JAK1: variants seen among roughly 807,000 people sequenced by gnomAD.
The protein encoded by JAK1 is tyrosine-protein kinase JAK1.
A neutral mutation model predicts 136.6 loss-of-function variants in JAK1; 16 were observed. That is an observed-to-expected ratio of 0.12 (90% CI 0.08 to 0.18). The LOEUF is 0.18. Ranked by LOEUF, JAK1 falls within the 10% of genes least tolerant of loss-of-function variation. The pLI, the probability that JAK1 is intolerant of heterozygous loss-of-function variation, is 1.00. For synonymous variants in JAK1, 492 were observed against 519.5 expected (o/e 0.95, Z 0.72); for missense variants, 859 against 1,450.1 (o/e 0.59, Z 6.62).
At position 64,933,622 on chromosome 1, in the gene JAK1, T is replaced by A. The variant is rs558751998; in HGVS notation, c.-78+32711A>T. 1.5e-3 allele frequency among the ~76,000 whole-genome samples: 223 copies of A among 152,274 alleles called. 1 individual carries two copies. The highest frequency in any genetic ancestry group is 5.0e-3 in the African/African-American group (208 of 41,548). On this transcript the variant is annotated intron_variant, in intron 1 of 24. Coordinates refer to ENST00000342505, the MANE Select transcript of JAK1 (RefSeq NM_002227.4). Reference sequence around the variant, plus strand: ...CAACAGAAGTTATTCAAATGACACATCGTATGCCCTTCTCATGCTGTACTA... The same window carrying A: ...CAACAGAAGTTATTCAAATGACACAACGTATGCCCTTCTCATGCTGTACTA...
intron 1 of JAK1, among the ~76,000 whole-genome samples, chr1:65,051,837 GCTTA>G (rs1186158584): frequency 1.3e-5 from 2 of 152,222 alleles, no homozygotes; most frequent in African/African-American, 2.4e-5. Context: ...CGTATAATCA[GCTTA>G]CTTTACTCCA....
intron 2 of JAK1, among the ~76,000 whole-genome samples, chr1:65,012,444 T>C (rs1274749377): frequency 6.6e-6 from 1 of 152,122 alleles, no homozygotes; most frequent in Non-Finnish European, 1.5e-5. Flanking sequence ...AGATTGAAGA[T>C]AGAGTATCAA....
At chr1:65,050,645 C>T (rs1647258719) in intron 1 of JAK1, among the ~76,000 whole-genome samples, 1 of 152,138 alleles carries the variant, frequency 6.6e-6, no homozygotes, top group Non-Finnish European at 1.5e-5. Flanking sequence ...ATCAAACTTT[C>T]ATTTTACAGA....
At position 64,857,605 on chromosome 1, in the gene JAK1, C is replaced by A. The variant is rs746940902; in HGVS notation, c.1458+51G>T. On this transcript the variant is annotated intron_variant, in intron 10 of 24. Transcript: ENST00000342505. ...GCAGCAGCTCCTGAACCAGGCTACA[C>A]TGGACACCTCATGGCTGTATGGCCT... 1.1e-5 allele frequency: 18 copies of A among 1,609,418 alleles called. No homozygotes were observed. The South Asian group carries it at 1.8e-4, about 16-fold the overall frequency.
intron 1 of JAK1, among the ~76,000 whole-genome samples, chr1:64,950,114 A>C (rs1292556812): frequency 1.3e-5 from 2 of 152,158 alleles, no homozygotes; most frequent in Admixed American, 1.3e-4. Context: ...TAGGAGTAAA[A>C]AATGTCAACA....
At chr1:64,936,946 T>A (rs1204322017) in intron 1 of JAK1, among the ~76,000 whole-genome samples, 1 of 151,016 alleles carries the variant, frequency 6.6e-6, no homozygotes, top group Non-Finnish European at 1.5e-5. Flanking sequence ...ATCAAATATA[T>A]GTGAAAAAGA....
intron 2 of JAK1, among the ~76,000 whole-genome samples, chr1:64,999,792 G>A (rs1415927877): frequency 4.0e-5 from 6 of 151,592 alleles, no homozygotes; most frequent in Non-Finnish European, 5.9e-5. Flanking sequence ...AAACTGGGTG[G>A]GCACCTGGCT....
chr1:65,012,987 T>C (rs1000926830), intron 2 of JAK1, among the ~76,000 whole-genome samples: 2 of 151,070 alleles, frequency 1.3e-5, no homozygotes, highest in Admixed American at 1.3e-4. Context: ...TCCTAGCTAC[T>C]CTGGAGGTTG....
chr1:64,974,044 T>C (rs893918770), intron 2 of JAK1: 1 of 152,246 alleles, frequency 6.6e-6, no homozygotes, highest in Non-Finnish European at 1.5e-5. Flanking sequence ...ATGTCCACAT[T>C]ATGTTTTTAG....
chr1:65,066,137 G>A (rs1421596669), intron 1 of JAK1, among the ~76,000 whole-genome samples: 1 of 152,162 alleles, frequency 6.6e-6, no homozygotes, highest in Non-Finnish European at 1.5e-5. Flanking sequence ...TTCAAAGCAG[G>A]GATAAGCACA....
At chr1:64,869,246 G>C in intron 6 of JAK1, 65 bp downstream of exon 6, 1 of 1,478,672 alleles carries the variant, frequency 6.8e-7, no homozygotes, top group Non-Finnish European at 9.4e-7. Flanking sequence ...AAGCTGAAAT[G>C]TGTAAGAACA....
chr1:65,001,777 G>A (rs900498105), intron 2 of JAK1, among the ~76,000 whole-genome samples: 2 of 151,770 alleles, frequency 1.3e-5, no homozygotes, highest in African/African-American at 4.8e-5. Context: ...TGTGTGGTAT[G>A]TGTGTTTGAG....
At chr1:64,962,887 G>A (rs1646307786) in intron 1 of JAK1, among the ~76,000 whole-genome samples, 2 of 152,192 alleles carry the variant, frequency 1.3e-5, no homozygotes, top group East Asian at 3.9e-4. Flanking sequence ...GGCCAACATG[G>A]TGAAATCCCA....
At chr1:64,967,117 T>C (rs1051842559), upstream of JAK1, among the ~76,000 whole-genome samples, 4 of 151,770 alleles carry the variant, frequency 2.6e-5, no homozygotes, top group African/African-American at 9.7e-5. Context: ...TGATACCTAA[T>C]GCATGTACAG....
intron 12 of JAK1, among the ~76,000 whole-genome samples, chr1:64,849,236 C>T (rs993282043): frequency 6.6e-6 from 1 of 152,104 alleles, no homozygotes; most frequent in Non-Finnish European, 1.5e-5. Flanking sequence ...TAACACCTGG[C>T]GGGAGTGCAG....
At chr1:64,976,051 A>C (rs964313175) in intron 2 of JAK1, among the ~76,000 whole-genome samples, 3 of 152,226 alleles carry the variant, frequency 2.0e-5, no homozygotes, top group Non-Finnish European at 2.9e-5. Context: ...CTGGAAGGAC[A>C]GTTCCCATTG....
At chr1:64,970,580 A>C (rs1485041575), upstream of JAK1, among the ~76,000 whole-genome samples, 1 of 151,882 alleles carries the variant, frequency 6.6e-6, no homozygotes, top group Non-Finnish European at 1.5e-5. Flanking sequence ...ACATGGCAAA[A>C]CTGTCTCTAC....
intron 1 of JAK1, among the ~76,000 whole-genome samples, chr1:64,933,465 C>T (rs1046697369): frequency 1.8e-4 from 28 of 152,212 alleles, no homozygotes; most frequent in African/African-American, 6.5e-4. Flanking sequence ...TTCTGAGGGA[C>T]TTGCACAACA....
Position 64,908,739 on chromosome 1 carries a change from TACAC to T in JAK1, c.-77-22402_-77-22399del, listed in dbSNP as rs3050464. On this transcript the variant is annotated intron_variant, in intron 1 of 24. Coordinates refer to ENST00000342505, the MANE Select transcript of JAK1 (RefSeq NM_002227.4). ...ACTGTGTGTATGTTCATGGCAAACA[TACAC>T]ACACACACACACACCCCTTGTTAAA... Among the ~76,000 whole-genome samples, 406 of 150,500 alleles carry T rather than the reference TACAC, an allele frequency of 2.7e-3. 4 individuals are homozygous for T. The highest frequency in any genetic ancestry group is 9.5e-3 in the African/African-American group (384 of 40,562).
Sources: gnomAD v4.1 joint callset for allele counts (sites outside exome capture counted in the v4.1 genomes callset) on GRCh38, gnomAD v4.1.1 for gene constraint, MANE v1.5 for transcripts, NCBI Gene and HGNC (gene_info 2026-07-23, HGNC 2026-07-21) for gene names.